Variants in UQCC5 observed in about 807,000 individuals in gnomAD.
The protein encoded by UQCC5 is UPF0640 protein C3orf78.
chr3:52,540,610 C>A, the UQCC5 span: 1 of 688,254 alleles, frequency 1.5e-6, no homozygotes. Flanking sequence ...GCACAATATT[C>A]CAATAACTGT....
the UQCC5 span, among the ~76,000 whole-genome samples, chr3:52,538,525 G>A: frequency 2.6e-5 from 4 of 152,276 alleles, 1 homozygote; most frequent in Middle Eastern, 0.01. Flanking sequence ...GCAGTGGTGC[G>A]ATCTTGGCTC....
At chr3:52,537,658 C>A in the UQCC5 span, among the ~76,000 whole-genome samples, 3 of 152,236 alleles carry the variant, frequency 2.0e-5, no homozygotes, top group Admixed American at 2.0e-4. Flanking sequence ...GCAGAGGTGT[C>A]CCTTACCCCA....
chr3:52,536,873 A>C, the UQCC5 span: 5 of 1,551,572 alleles, frequency 3.2e-6, no homozygotes, highest in Non-Finnish European at 4.4e-6. Flanking sequence ...GGAGTGGATC[A>C]TGATTAAAGT....
At chr3:52,537,421 C>T in the UQCC5 span, among the ~76,000 whole-genome samples, 1 of 152,222 alleles carries the variant, frequency 6.6e-6, no homozygotes, top group Admixed American at 6.5e-5. Context: ...ACGCCTGGCA[C>T]TGCATTACTG....
the UQCC5 span, chr3:52,536,931 G>C: frequency 1.3e-6 from 2 of 1,551,034 alleles, no homozygotes; most frequent in Non-Finnish European, 8.7e-7. Context: ...AGCAGTCTCT[G>C]TTTCCTTTCA....
At chr3:52,537,463 A>G in the UQCC5 span, among the ~76,000 whole-genome samples, 2 of 152,188 alleles carry the variant, frequency 1.3e-5, no homozygotes, top group Non-Finnish European at 1.5e-5. Flanking sequence ...AGTTCCTTTC[A>G]GGAGGACTTC....
chr3:52,538,515 G>A, the UQCC5 span, among the ~76,000 whole-genome samples: 2 of 152,226 alleles, frequency 1.3e-5, no homozygotes, highest in African/African-American at 4.8e-5. Flanking sequence ...AGGCTGGAGT[G>A]CAGTGGTGCG....
chr3:52,540,507 A>G, the UQCC5 span: 1 of 1,499,300 alleles, frequency 6.7e-7, no homozygotes, highest in Admixed American at 2.7e-5. Flanking sequence ...AGCAGTCAAT[A>G]AAGTCAATAT....
the UQCC5 span, among the ~76,000 whole-genome samples, chr3:52,538,511 G>GAGTGC: frequency 6.6e-6 from 1 of 152,138 alleles, no homozygotes; most frequent in Admixed American, 6.5e-5. Flanking sequence ...GCCCAGGCTG[G>GAGTGC]AGTGCAGTGG....
the UQCC5 span, among the ~76,000 whole-genome samples, chr3:52,537,232 G>A: frequency 6.6e-6 from 1 of 152,178 alleles, no homozygotes; most frequent in Non-Finnish European, 1.5e-5. Flanking sequence ...GAAGGGGGTG[G>A]ATATGAGGGG....
the UQCC5 span, chr3:52,541,214 G>A: frequency 6.6e-6 from 1 of 152,124 alleles, no homozygotes; most frequent in Non-Finnish European, 1.5e-5. Context: ...TAAATCAGAG[G>A]CTCAGTCTAT....
At chr3:52,539,914 G>C in the UQCC5 span, among the ~76,000 whole-genome samples, 4 of 152,222 alleles carry the variant, frequency 2.6e-5, no homozygotes, top group African/African-American at 9.7e-5. Context: ...TGGGATTACA[G>C]GCGTGAGCCA....
the UQCC5 span, chr3:52,541,503 C>G: frequency 6.6e-6 from 1 of 152,118 alleles, no homozygotes; most frequent in Non-Finnish European, 1.5e-5. Flanking sequence ...ATCTTAGAAC[C>G]AATTCAGTAA....
chr3:52,539,984 A>G, the UQCC5 span, among the ~76,000 whole-genome samples: 1 of 152,306 alleles, frequency 6.6e-6, no homozygotes, highest in African/African-American at 2.4e-5. Flanking sequence ...AGGTCTGGCA[A>G]AGCAGCAGCT....
At chr3:52,539,127 A>G in the UQCC5 span, among the ~76,000 whole-genome samples, 9 of 152,154 alleles carry the variant, frequency 5.9e-5, no homozygotes, top group Admixed American at 2.0e-4. Flanking sequence ...CAGGATTGTC[A>G]GACACCTCAG....
chr3:52,540,201 A>G, the UQCC5 span, among the ~76,000 whole-genome samples: 5 of 152,354 alleles, frequency 3.3e-5, no homozygotes, highest in South Asian at 2.1e-4. Context: ...ACATGATTCT[A>G]TCTTTCAAGA....
the UQCC5 span, chr3:52,541,615 C>T: frequency 6.6e-6 from 1 of 152,150 alleles, no homozygotes; most frequent in Non-Finnish European, 1.5e-5. Context: ...TGTGAAAGGC[C>T]AGTAATGACC....
At chr3:52,541,322 T>A in the UQCC5 span, 1 of 152,032 alleles carries the variant, frequency 6.6e-6, no homozygotes, top group Non-Finnish European at 1.5e-5. Context: ...TAACATCGTT[T>A]CAAGCAAAAA....
chr3:52,540,552 T>G, the UQCC5 span: 3 of 1,164,470 alleles, frequency 2.6e-6, no homozygotes, highest in South Asian at 4.4e-5. Flanking sequence ...CCTTTTAAAA[T>G]ATACTTTTCA....
Sources: allele counts gnomAD v4.1 joint callset (sites outside exome capture counted in the v4.1 genomes callset), GRCh38; gene constraint gnomAD v4.1.1; transcripts MANE v1.5; gene names NCBI Gene and HGNC (gene_info 2026-07-23, HGNC 2026-07-21).